The following CLOCK variants were observed in gnomAD, a reference collection of about 807,000 sequenced individuals.
The protein encoded by CLOCK is clock circadian regulator, also known as circadian locomoter output cycles protein kaput.
CLOCK carries 43 observed loss-of-function variants against 118.4 expected under a neutral mutation model. The observed-to-expected ratio is 0.36, with a 90% confidence interval of 0.28 to 0.47. The LOEUF is 0.47. CLOCK is among the 20% of genes least tolerant of loss of function. The pLI is 1.00. For missense variants in CLOCK, 846 were observed against 999.9 expected, an observed-to-expected ratio of 0.85 and a Z score of 2.08; for synonymous variants, 326 against 339.2, an observed-to-expected ratio of 0.96 and a Z score of 0.43.
intron 22 of CLOCK, among the ~76,000 whole-genome samples, chr4:55,437,498 C>G (rs949402914): frequency 1.3e-5 from 2 of 152,152 alleles, no homozygotes; most frequent in African/African-American, 2.4e-5. Context: ...ATAAGGAGAG[C>G]CTGTCTGATT....
intron 18 of CLOCK, among the ~76,000 whole-genome samples, chr4:55,446,848 T>C (rs1028441734): frequency 2.6e-5 from 4 of 152,174 alleles, no homozygotes; most frequent in Non-Finnish European, 5.9e-5. Flanking sequence ...GTGAACTGTA[T>C]GTAAAAGTGA....
chr4:55,444,347 T>C (rs553350451), intron 19 of CLOCK, among the ~76,000 whole-genome samples: 37 of 152,290 alleles, frequency 2.4e-4, no homozygotes, highest in African/African-American at 7.9e-4. Flanking sequence ...CCTAAAACTT[T>C]ATGTAAAATA....
At chr4:55,445,823 T>C (rs1228076478) in intron 18 of CLOCK, among the ~76,000 whole-genome samples, 4 of 151,868 alleles carry the variant, frequency 2.6e-5, no homozygotes, top group East Asian at 1.9e-4. Context: ...CTTGAACTCA[T>C]TGGCTCAAGA....
chr4:55,527,064 TA>T (rs1730250545), intron 1 of CLOCK, among the ~76,000 whole-genome samples: 2 of 145,140 alleles, frequency 1.4e-5, no homozygotes, highest in African/African-American at 5.1e-5. Flanking sequence ...AAGTAATAAG[TA>T]AAATGACATC....
chr4:55,473,680 G>C (rs989335469), intron 7 of CLOCK, among the ~76,000 whole-genome samples: 3 of 152,070 alleles, frequency 2.0e-5, no homozygotes, highest in Non-Finnish European at 4.4e-5. Context: ...TTTTCACAAA[G>C]TGAAGGTTTG....
Position 55,455,950 on chromosome 4 carries a change from T to A in CLOCK, c.929A>T (p.Tyr310Phe), listed in dbSNP as rs144434107. The part of the protein sequence containing the change: ...LPFEVLGTSG[Y>F]DYYHVDDLEN... ...TAGGTCATCCACATGATAGTAATCA[T>A]AGCCTGATGTTCCCAGAACTTCAAA... is the stretch of plus-strand genomic sequence containing the variant. The change falls in exon 13 of 23, where the codon TAT (tyrosine) becomes TTT (phenylalanine). Residue 310 changes from tyrosine to phenylalanine, a missense_variant. Tyr to Phe is a conservative substitution (Grantham distance 22). This residue lies in a region of CLOCK where 66 missense variants were observed against 99.4 expected (regional missense o/e 0.66). Transcript: ENST00000513440. The A allele has an allele frequency of 2.1e-5, 34 of 1,613,756 alleles. No homozygotes were observed. The highest frequency in any genetic ancestry group is 2.8e-5 in the Non-Finnish European group (33 of 1,179,808).
At chr4:55,516,294 G>A (rs1283004662) in intron 1 of CLOCK, among the ~76,000 whole-genome samples, 3 of 152,084 alleles carry the variant, frequency 2.0e-5, no homozygotes, top group African/African-American at 7.2e-5. Flanking sequence ...CTGATAATGG[G>A]GTATTAAAGT....
Position 55,428,802 on chromosome 4 carries a change from T to C in CLOCK, c.*6613A>G, listed in dbSNP as rs78051726. ...AAAGGTAAAACTTTTTTTTTTTTTTTGCACTGACTGGTTTCAATACAGCAC... is the reference window on the plus strand; with the variant it reads ...AAAGGTAAAACTTTTTTTTTTTTTTCGCACTGACTGGTTTCAATACAGCAC... On this transcript the variant is annotated 3_prime_UTR_variant, in exon 23 of 23. Transcript: ENST00000513440. 2.0e-5 allele frequency: 3 copies of C among 151,640 alleles called. No individual in the cohort carries two copies. The highest frequency in any genetic ancestry group is 2.0e-4 in the Admixed American group (3 of 15,222). 9.4% of individuals were successfully genotyped at this position (151,640 alleles called of 1,614,324 possible). A position where few individuals can be genotyped will look rare whatever the true frequency, so the allele number is the denominator to read the frequency against.
At chr4:55,455,780 G>A in intron 13 of CLOCK, 117 bp downstream of exon 13, 1 of 787,854 alleles carries the variant, frequency 1.3e-6, no homozygotes, top group South Asian at 1.5e-5. Flanking sequence ...AAATCTTTTA[G>A]CATATTTCAA....
At chr4:55,442,367 A>C in intron 21 of CLOCK, 65 bp downstream of exon 21, 1 of 1,409,464 alleles carries the variant, frequency 7.1e-7, no homozygotes. Context: ...TTAAGAAATC[A>C]AATTATTGTT....
At chr4:55,460,924 TCTC>T (rs1324136382) in intron 9 of CLOCK, among the ~76,000 whole-genome samples, 5 of 133,982 alleles carry the variant, frequency 3.7e-5, no homozygotes, top group Admixed American at 1.6e-4. Flanking sequence ...TATACTTTCC[TCTC>T]CTTTTTTTTT....
At chr4:55,505,156 C>T (rs1403938766) in intron 2 of CLOCK, among the ~76,000 whole-genome samples, 1 of 103,684 alleles carries the variant, frequency 9.6e-6, no homozygotes, top group Non-Finnish European at 2.2e-5. Flanking sequence ...CCCTCACCCC[C>T]CCACCAAAAA....
rs141051562 is a variant in CLOCK at position 55,443,368 on chromosome 4, G to A, written c.1902+319C>T. Among the ~76,000 whole-genome samples the A allele has an allele frequency of 4.4e-4, 67 of 151,664 alleles. No individual in the cohort carries two copies. The East Asian group carries it at 0.011, about 25-fold the overall frequency. On this transcript the variant is annotated intron_variant, in intron 20 of 22. Coordinates refer to ENST00000513440, the MANE Select transcript of CLOCK (RefSeq NM_004898.4). ...TGGGTGCCTATAATCCCAGCTACTC[G>A]GGAGGTTGGGGCAGGAGAATCGCTT...
intron 8 of CLOCK, among the ~76,000 whole-genome samples, chr4:55,464,679 G>A (rs1310625987): frequency 2.0e-5 from 3 of 152,120 alleles, no homozygotes; most frequent in Non-Finnish European, 4.4e-5. Flanking sequence ...TATACTTTTT[G>A]TTTTTATTTT....
intron 11 of CLOCK, among the ~76,000 whole-genome samples, chr4:55,457,247 C>A (rs28401668): frequency 6.6e-6 from 1 of 152,122 alleles, no homozygotes; most frequent in Non-Finnish European, 1.5e-5. Context: ...CACAATTTTC[C>A]GTATTATTCT....
Position 55,450,074 on chromosome 4 carries a change from G to A in CLOCK, c.1348+17C>T. 1 of 1,613,988 alleles carries A rather than the reference G, an allele frequency of 6.2e-7. No homozygotes were observed. Among genetic ancestry groups the A allele is most frequent in the Admixed American group, 1.7e-5 (1 of 60,014 alleles). ...AGTTACTTTAAAGGAAGTCTGCTTT[G>A]AAGCAAGGGTACTCACAGGAAGGGT... On this transcript the variant is annotated intron_variant, in intron 16 of 22. Coordinates refer to ENST00000513440, the MANE Select transcript of CLOCK (RefSeq NM_004898.4).
chr4:55,453,268 T>C lies in CLOCK; in HGVS notation c.1131-139A>G, dbSNP rs552828753. The C allele has an allele frequency of 3.3e-5, 23 of 705,216 alleles. No individual in the cohort carries two copies. In the East Asian group the frequency reaches 5.2e-4, roughly 16 times the overall value. The allele number at this position is 705,216 out of a possible 1,614,324, so 43.7% of individuals were successfully genotyped here. A position where few individuals can be genotyped will look rare whatever the true frequency, so the allele number is the denominator to read the frequency against. On this transcript the variant is annotated intron_variant, in intron 14 of 22. Transcript: ENST00000513440. ...CTATGTGCTACACAAACCTAAAATA[T>C]ACCTATAATGTCTTAATTTAACTTG...
chr4:55,541,789 TA>T (rs1030535355), intron 1 of CLOCK, among the ~76,000 whole-genome samples: 4 of 151,824 alleles, frequency 2.6e-5, no homozygotes, highest in Admixed American at 6.6e-5. Context: ...CGGGAAAGCT[TA>T]AAAAAAACTA....
At chr4:55,504,283 C>CAAAA (rs35414558) in intron 2 of CLOCK, among the ~76,000 whole-genome samples, 818 of 51,440 alleles carry the variant, frequency 0.016, 2 homozygotes, top group Non-Finnish European at 0.017. Flanking sequence ...GAGACTCCAT[C>CAAAA]AAAAAAAAAA....
Sources: allele counts gnomAD v4.1 joint callset (sites outside exome capture counted in the v4.1 genomes callset), GRCh38; gene constraint gnomAD v4.1.1; regional missense constraint gnomAD v4.1.1; transcripts MANE v1.5; gene names NCBI Gene and HGNC (gene_info 2026-07-23, HGNC 2026-07-21).